Variants in NXPE4 observed in about 807,000 individuals in gnomAD.
NXPE4 encodes neurexophilin and PC-esterase domain family member 4, also known as NXPE family member 4.
A neutral mutation model predicts 33.3 loss-of-function variants in NXPE4; 42 were observed. That is an observed-to-expected ratio of 1.26 (90% CI 0.98 to 1.63). The LOEUF is 1.63. NXPE4 is among the 40% of genes most tolerant of loss of function. The pLI, the probability that NXPE4 is intolerant of heterozygous loss-of-function variation, is 0.00. For missense variants in NXPE4, 709 were observed against 647.6 expected, an observed-to-expected ratio of 1.09 and a Z score of -1.03; for synonymous variants, 253 against 234.9, an observed-to-expected ratio of 1.08 and a Z score of -0.71.
intron 4 of NXPE4, among the ~76,000 whole-genome samples, chr11:114,581,380 G>C (rs937668759): frequency 6.6e-6 from 1 of 152,118 alleles, no homozygotes; most frequent in Non-Finnish European, 1.5e-5. Context: ...GATATGGGAA[G>C]AGGTGATGGG....
At chr11:114,640,964 G>A in the NXPE4 span, among the ~76,000 whole-genome samples, 1 of 151,956 alleles carries the variant, frequency 6.6e-6, no homozygotes, top group Non-Finnish European at 1.5e-5. Flanking sequence ...AGAACACATA[G>A]AGCAAGAATT....
Position 114,571,026 on chromosome 11 carries a change from A to G in NXPE4, c.1547T>C (p.Ile516Thr). The G allele has an allele frequency of 1.2e-6, 2 of 1,613,400 alleles. No homozygotes were observed. Among genetic ancestry groups the G allele is most frequent in the Admixed American group, 1.7e-5 (1 of 59,988 alleles). Residue 516 changes from isoleucine to threonine, a missense_variant, in exon 6 of 6, where the codon ATA becomes ACA. Ile to Thr is a moderately conservative substitution (Grantham distance 89, BLOSUM62 -1). Transcript: ENST00000375478. Reference sequence around the variant, plus strand: ...ATTATTTGTGCCATATGCAATTGTTATATCCCAGGCATCAATGATACTCAC... The same window carrying G: ...ATTATTTGTGCCATATGCAATTGTTGTATCCCAGGCATCAATGATACTCAC... ...LSVSIIDAWD[I>T]TIAYGTNNVH...
the NXPE4 span, among the ~76,000 whole-genome samples, chr11:114,625,548 G>C: frequency 6.6e-6 from 1 of 152,130 alleles, no homozygotes; most frequent in African/African-American, 2.4e-5. Context: ...AGTAACCACT[G>C]TTACCCGGTG....
the NXPE4 span, among the ~76,000 whole-genome samples, chr11:114,667,948 T>C: frequency 6.6e-6 from 1 of 151,900 alleles, no homozygotes; most frequent in Non-Finnish European, 1.5e-5. Flanking sequence ...AGTAGATAAC[T>C]AATACACAGA....
the NXPE4 span, among the ~76,000 whole-genome samples, chr11:114,623,347 A>G: frequency 2.0e-5 from 3 of 151,656 alleles, no homozygotes; most frequent in African/African-American, 7.3e-5. Context: ...GAAAATAAGT[A>G]TCGCCTGTAG....
chr11:114,596,173 A>G (rs965440752), upstream of NXPE4, among the ~76,000 whole-genome samples: 3 of 152,216 alleles, frequency 2.0e-5, no homozygotes, highest in Non-Finnish European at 2.9e-5. Context: ...AGGTTTCAAT[A>G]CAATTTGCTG....
chr11:114,630,433 T>A, the NXPE4 span, among the ~76,000 whole-genome samples: 1 of 151,876 alleles, frequency 6.6e-6, no homozygotes. Flanking sequence ...AAGTATTCCC[T>A]ATTTAATAAA....
chr11:114,624,415 G>A, the NXPE4 span, among the ~76,000 whole-genome samples: 1 of 152,042 alleles, frequency 6.6e-6, no homozygotes, highest in African/African-American at 2.4e-5. Context: ...GGTAACCACT[G>A]TTACCCACTG....
chr11:114,620,528 G>A, the NXPE4 span, among the ~76,000 whole-genome samples: 6 of 151,586 alleles, frequency 4.0e-5, no homozygotes, highest in African/African-American at 1.5e-4. Flanking sequence ...CTTTAAGGCG[G>A]TAGATAATAA....
chr11:114,665,013 T>C, the NXPE4 span, among the ~76,000 whole-genome samples: 5 of 152,216 alleles, frequency 3.3e-5, no homozygotes, highest in Admixed American at 2.6e-4. Context: ...CAACTTATGA[T>C]GGGTTTAATG....
the NXPE4 span, among the ~76,000 whole-genome samples, chr11:114,651,383 C>T: frequency 3.3e-5 from 5 of 152,056 alleles, no homozygotes; most frequent in African/African-American, 4.8e-5. Flanking sequence ...TTCGTGGTCT[C>T]GTGGTCTCGC....
At chr11:114,666,989 G>A in the NXPE4 span, among the ~76,000 whole-genome samples, 3 of 152,082 alleles carry the variant, frequency 2.0e-5, no homozygotes, top group Non-Finnish European at 4.4e-5. Flanking sequence ...CACAAACACA[G>A]GTTTGAACAT....
rs773471773 is a variant in NXPE4, at chr11:114,582,322, A to T, written c.796T>A (p.Tyr266Asn). The change falls in exon 3 of 6, where the codon TAT (tyrosine) becomes AAT (asparagine). Residue 266 changes from tyrosine to asparagine, a missense_variant. Physicochemically the swap from Tyr to Asn is moderately radical, Grantham distance 143. Transcript: ENST00000375478. Reference sequence around the variant, plus strand: ...AGGCTCTTTTCTTGTTTGCTAAGATAAGAAACTTTCTTGTTCTTAGAATAC... The same window carrying T: ...AGGCTCTTTTCTTGTTTGCTAAGATTAGAAACTTTCTTGTTCTTAGAATAC... ...HMYSKNKKVS[Y>N]LSKQEKSLFE... The T allele has an allele frequency of 1.3e-6, 2 of 1,594,030 alleles. No homozygotes were observed. The highest frequency in any genetic ancestry group is 2.3e-5 in the South Asian group (2 of 88,412).
the NXPE4 span, among the ~76,000 whole-genome samples, chr11:114,603,812 C>G: frequency 6.6e-6 from 1 of 151,738 alleles, no homozygotes; most frequent in Non-Finnish European, 1.5e-5. Context: ...GCCTCGTCTC[C>G]TAGGTAACTC....
chr11:114,612,012 C>T, the NXPE4 span, among the ~76,000 whole-genome samples: 1 of 151,892 alleles, frequency 6.6e-6, no homozygotes, highest in Non-Finnish European at 1.5e-5. Context: ...AGTCATGCCT[C>T]ATGGGTAACC....
the NXPE4 span, among the ~76,000 whole-genome samples, chr11:114,633,762 A>C: frequency 0.67 from 102,283 of 151,672 alleles, 34,882 homozygotes; most frequent in African/African-American, 0.76. Context: ...ATGATTTCCA[A>C]TTTCATCCAT....
chr11:114,583,241 G>A (rs1315857643), intron 2 of NXPE4: 14 of 685,426 alleles, frequency 2.0e-5, no homozygotes, highest in Non-Finnish European at 2.5e-5. Context: ...AGAGGGACAG[G>A]AAGTGAGCAA....
chr11:114,648,349 A>T, the NXPE4 span, among the ~76,000 whole-genome samples: 5 of 152,282 alleles, frequency 3.3e-5, no homozygotes, highest in African/African-American at 1.2e-4. Context: ...TTCTACTCTG[A>T]AAACAGGACA....
intron 2 of NXPE4, among the ~76,000 whole-genome samples, chr11:114,592,526 C>A (rs187965092): frequency 6.6e-6 from 1 of 151,844 alleles, no homozygotes; most frequent in Non-Finnish European, 1.5e-5. Flanking sequence ...CACACACACA[C>A]ACACTCACAC....
Sources: allele counts gnomAD v4.1 joint callset (sites outside exome capture counted in the v4.1 genomes callset), GRCh38; gene constraint gnomAD v4.1.1; transcripts MANE v1.5; gene names NCBI Gene and HGNC (gene_info 2026-07-23, HGNC 2026-07-21).